Variants in FAF1 observed in about 807,000 individuals in gnomAD.
FAF1 encodes FAS-associated factor 1.
In FAF1, 25 loss-of-function variants were observed where a neutral mutation model predicts 92.5. The observed-to-expected ratio is 0.27, with a 90% CI of 0.20 to 0.38. The LOEUF is 0.38. Ranked by LOEUF, FAF1 falls within the 10% of genes least tolerant of loss-of-function variation. The probability of loss-of-function intolerance (pLI) is 1.00; values close to 1 mark genes in which losing one functional copy is unlikely to be tolerated. For synonymous variants in FAF1, 234 were observed against 273.2 expected (o/e 0.86, Z 1.42); for missense variants, 636 against 793.3 (o/e 0.80, Z 2.38).
chr1:50,626,928 C>A lies in FAF1; in HGVS notation c.744+28514G>T, dbSNP rs1653524890. Among the ~76,000 whole-genome samples, 3 of 152,030 alleles carry A rather than the reference C, an allele frequency of 2.0e-5. No individual in the cohort carries two copies. In the South Asian group the frequency reaches 6.2e-4, roughly 31 times the overall value. On this transcript the variant is annotated intron_variant, in intron 8 of 18. Coordinates refer to ENST00000396153, the MANE Select transcript of FAF1 (RefSeq NM_007051.3). ...TTGATGATGATTTACATAAAGTCAG[C>A]AAGACAGAGAGAAATTAAGAATAAC...
At chr1:50,725,247 G>A (rs1658595254) in intron 6 of FAF1, among the ~76,000 whole-genome samples, 1 of 152,116 alleles carries the variant, frequency 6.6e-6, no homozygotes, top group Non-Finnish European at 1.5e-5. Flanking sequence ...TTTTTTGGTA[G>A]GATCTGAGGC....
At chr1:50,828,306 T>TC (rs1644121520) in intron 2 of FAF1, among the ~76,000 whole-genome samples, 1 of 151,562 alleles carries the variant, frequency 6.6e-6, no homozygotes, top group African/African-American at 2.4e-5. Flanking sequence ...TCTCAGTCTG[T>TC]CACCCAGGCT....
At chr1:50,621,499 A>C (rs1169447330) in intron 8 of FAF1, among the ~76,000 whole-genome samples, 3 of 142,778 alleles carry the variant, frequency 2.1e-5, no homozygotes, top group African/African-American at 8.0e-5. Context: ...TCTGGGGCTC[A>C]AGTGGTTCTC....
At chr1:50,632,164 T>C (rs980792747) in intron 8 of FAF1, among the ~76,000 whole-genome samples, 4 of 152,184 alleles carry the variant, frequency 2.6e-5, no homozygotes, top group Non-Finnish European at 4.4e-5. Flanking sequence ...ATGAACACTA[T>C]AGGGTAACAG....
chr1:50,724,396 T>C (rs1658560254), intron 6 of FAF1, among the ~76,000 whole-genome samples: 1 of 151,900 alleles, frequency 6.6e-6, no homozygotes, highest in African/African-American at 2.4e-5. Context: ...TAGATACCTA[T>C]TACCACTGCT....
Position 50,595,778 on chromosome 1 carries a change from T to C in FAF1, c.840+343A>G, listed in dbSNP as rs1399109175. The stretch of plus-strand genomic sequence containing the variant: ...GGCTGGTCTCGAACTCCTGGCCTCA[T>C]GTGCTCTGCCTGTCTCGGCCATCCA... On this transcript the variant is annotated intron_variant, in intron 9 of 18. Transcript: ENST00000396153. 2.0e-5 allele frequency among the ~76,000 whole-genome samples: 3 copies of C among 151,924 alleles called. No homozygotes were observed. In the East Asian group the frequency reaches 5.8e-4, roughly 29 times the overall value.
intron 2 of FAF1, among the ~76,000 whole-genome samples, chr1:50,807,452 G>A (rs1038638891): frequency 6.6e-6 from 1 of 152,124 alleles, no homozygotes; most frequent in South Asian, 2.1e-4. Flanking sequence ...GACTCAAGGG[G>A]GAAGTGCCAC....
At chr1:50,479,278 G>A (rs939311992) in intron 17 of FAF1, among the ~76,000 whole-genome samples, 1 of 151,200 alleles carries the variant, frequency 6.6e-6, no homozygotes, top group African/African-American at 2.4e-5. Context: ...TCTGGATCAC[G>A]CCAGCTGCCT....
rs79645249 is a variant in FAF1 at position 50,514,405 on chromosome 1, A to T, written c.1494+20964T>A. Among the ~76,000 whole-genome samples, 146 of 152,256 alleles carry T rather than the reference A, an allele frequency of 9.6e-4. 2 individuals are homozygous for T. In the East Asian group the frequency reaches 0.024, roughly 25 times the overall value. ...GTAAAATCATTATCTGCTGGTGCTCAAAAACAGTGAAATAAGGATTATGGC... is the reference window on the plus strand; with the variant it reads ...GTAAAATCATTATCTGCTGGTGCTCTAAAACAGTGAAATAAGGATTATGGC... On this transcript the variant is annotated intron_variant, in intron 15 of 18. Coordinates refer to ENST00000396153, the MANE Select transcript of FAF1 (RefSeq NM_007051.3).
chr1:50,647,430 G>A (rs543389898), intron 8 of FAF1, among the ~76,000 whole-genome samples: 7 of 152,164 alleles, frequency 4.6e-5, no homozygotes, highest in Admixed American at 1.3e-4. Context: ...TTCTAACCAC[G>A]AGGCATTCCT....
chr1:50,819,339 T>C (rs1404630951), intron 2 of FAF1, among the ~76,000 whole-genome samples: 19 of 151,628 alleles, frequency 1.3e-4, no homozygotes, highest in Admixed American at 1.3e-3. Flanking sequence ...TATATGTAAA[T>C]TGCAGTAGCG....
At chr1:50,849,266 C>CA (rs369712410) in intron 2 of FAF1, among the ~76,000 whole-genome samples, 9,648 of 88,448 alleles carry the variant, frequency 0.11, 390 homozygotes, top group East Asian at 0.17. Context: ...GACTCCGTCT[C>CA]AAAAAAAAAA....
At chr1:50,480,696 C>G (rs1021164367) in intron 17 of FAF1, among the ~76,000 whole-genome samples, 1 of 152,154 alleles carries the variant, frequency 6.6e-6, no homozygotes, top group South Asian at 2.1e-4. Context: ...CCATGGAGGT[C>G]TCGTAAGATT....
chr1:50,584,426 A>G (rs540615491), intron 10 of FAF1, among the ~76,000 whole-genome samples: 1 of 152,284 alleles, frequency 6.6e-6, no homozygotes, highest in East Asian at 1.9e-4. Context: ...AGAGACAGTC[A>G]TAATTCATTA....
intron 15 of FAF1, among the ~76,000 whole-genome samples, chr1:50,510,239 A>G (rs1164701610): frequency 6.6e-6 from 1 of 152,054 alleles, no homozygotes; most frequent in Admixed American, 6.6e-5. Flanking sequence ...TGAAATCAAT[A>G]TATCACATAG....
At chr1:50,579,516 T>C (rs558487220) in intron 12 of FAF1, among the ~76,000 whole-genome samples, 3 of 152,270 alleles carry the variant, frequency 2.0e-5, no homozygotes, top group Admixed American at 2.0e-4. Context: ...TAATAAGTGA[T>C]TGTTTAAATA....
At chr1:50,801,517 A>G (rs1212885282) in intron 3 of FAF1, 114 bp downstream of exon 3, 3 of 588,488 alleles carry the variant, frequency 5.1e-6, no homozygotes, top group African/African-American at 3.7e-5. Flanking sequence ...AATGTTAATG[A>G]ACTTATATAC....
intron 1 of FAF1, among the ~76,000 whole-genome samples, chr1:50,860,983 A>T (rs1644427650): frequency 6.6e-6 from 1 of 151,948 alleles, no homozygotes; most frequent in Non-Finnish European, 1.5e-5. Flanking sequence ...ATGCAGAAAG[A>T]AAAAACAATA....
At chr1:50,443,852 C>T (rs749482283) in intron 18 of FAF1, among the ~76,000 whole-genome samples, 3 of 152,122 alleles carry the variant, frequency 2.0e-5, no homozygotes, top group Non-Finnish European at 4.4e-5. Context: ...CTCCTGGAAC[C>T]CTGATCTATA....
Sources: allele counts gnomAD v4.1 joint callset (sites outside exome capture counted in the v4.1 genomes callset), GRCh38; gene constraint gnomAD v4.1.1; transcripts MANE v1.5; gene names NCBI Gene and HGNC (gene_info 2026-07-23, HGNC 2026-07-21).